ITGB3BP: variants seen among roughly 807,000 people sequenced by gnomAD.
ITGB3BP encodes the protein integrin subunit beta 3 binding protein.
Under a neutral mutation model 29.1 loss-of-function variants are expected in ITGB3BP, and 27 were observed. The observed-to-expected ratio is 0.93, with a 90% CI of 0.68 to 1.28. ITGB3BP has a LOEUF of 1.28. Ranked by LOEUF, ITGB3BP falls within the 50% of genes most tolerant of loss-of-function variation. The pLI is 0.00. For synonymous variants in ITGB3BP, 61 were observed against 61.4 expected (o/e 0.99, Z 0.03); for missense variants, 192 against 200.2 (o/e 0.96, Z 0.25).
intron 8 of ITGB3BP, among the ~76,000 whole-genome samples, chr1:63,445,512 T>C (rs12735956): frequency 0.21 from 32,523 of 152,054 alleles, 4,050 homozygotes; most frequent in African/African-American, 0.35. Context: ...CAAAGAAAAG[T>C]ATCTTGGAGG....
At chr1:63,455,692 A>C (rs1177358397) in intron 4 of ITGB3BP, among the ~76,000 whole-genome samples, 3 of 152,184 alleles carry the variant, frequency 2.0e-5, no homozygotes, top group African/African-American at 7.2e-5. Context: ...TTTAGTAAAC[A>C]TACTAAAAAT....
At chr1:63,516,098 G>C (rs549342961) in intron 1 of ITGB3BP, among the ~76,000 whole-genome samples, 2 of 151,026 alleles carry the variant, frequency 1.3e-5, no homozygotes, top group Non-Finnish European at 3.0e-5. Flanking sequence ...AATAGAGCTG[G>C]AAATCATTAT....
At chr1:63,516,250 C>T (rs1320306498) in intron 1 of ITGB3BP, among the ~76,000 whole-genome samples, 16 of 131,930 alleles carry the variant, frequency 1.2e-4, no homozygotes, top group African/African-American at 4.6e-4. Flanking sequence ...GGTGAGCAAA[C>T]TGCACCACTG....
At position 63,507,000 on chromosome 1, in the gene ITGB3BP, T is replaced by C. The variant is rs923964204; in HGVS notation, c.48+1528A>G. The stretch of plus-strand genomic sequence containing the variant: ...AGGGCTAAGTTGTTACTAGAGTAGA[T>C]GAAGTGTGTATGTAGCCATGGAGAG... On this transcript the variant is annotated intron_variant, in intron 2 of 8. Transcript: ENST00000271002. Among the ~76,000 whole-genome samples, 4 of 152,268 alleles carry C rather than the reference T, an allele frequency of 2.6e-5. No homozygotes were observed. In the East Asian group the frequency reaches 7.7e-4, roughly 29 times the overall value.
intron 1 of ITGB3BP, among the ~76,000 whole-genome samples, chr1:63,519,201 A>G (rs1239540784): frequency 6.6e-6 from 1 of 152,152 alleles, no homozygotes; most frequent in East Asian, 1.9e-4. Context: ...AATGCATTTC[A>G]CACATTTAAC....
At chr1:63,464,645 G>C (rs1645070479) in intron 4 of ITGB3BP, among the ~76,000 whole-genome samples, 1 of 152,088 alleles carries the variant, frequency 6.6e-6, no homozygotes. Flanking sequence ...GGTGAAACAT[G>C]ACAAAGTACC....
chr1:63,479,862 T>C (rs1393290786), intron 3 of ITGB3BP, among the ~76,000 whole-genome samples: 1 of 152,166 alleles, frequency 6.6e-6, no homozygotes, highest in African/African-American at 2.4e-5. Flanking sequence ...GCACTTAGGT[T>C]GATTCAGTAT....
intron 1 of ITGB3BP, among the ~76,000 whole-genome samples, chr1:63,513,057 C>T (rs184702094): frequency 6.6e-6 from 1 of 152,198 alleles, no homozygotes; most frequent in Admixed American, 6.5e-5. Context: ...GATGTTGCAT[C>T]CTTCTGAGAG....
At chr1:63,489,956 G>A (rs1407854901) in intron 3 of ITGB3BP, 127 bp downstream of exon 3, 1 of 766,258 alleles carries the variant, frequency 1.3e-6, no homozygotes, top group African/African-American at 1.8e-5. Context: ...CTATATTAAG[G>A]TATTAAATTA....
intron 3 of ITGB3BP, among the ~76,000 whole-genome samples, chr1:63,484,765 A>G (rs902143056): frequency 1.3e-5 from 2 of 152,044 alleles, no homozygotes; most frequent in African/African-American, 4.8e-5. Flanking sequence ...CAACTTGTCT[A>G]TGTCCTTCCT....
chr1:63,523,338 GC>G, upstream of ITGB3BP: 1 of 647,434 alleles, frequency 1.5e-6, no homozygotes, highest in Non-Finnish European at 2.7e-6. Flanking sequence ...GGAGTTCTAG[GC>G]CCAGGACAGC....
intron 1 of ITGB3BP, among the ~76,000 whole-genome samples, chr1:63,521,269 A>AAAC (rs1553168238): frequency 3.4e-4 from 52 of 151,368 alleles, no homozygotes; most frequent in East Asian, 1.9e-3. Flanking sequence ...TAAAAAAAAA[A>AAAC]AAAACACTTA....
At chr1:63,499,157 T>A (rs1424603269) in intron 2 of ITGB3BP, among the ~76,000 whole-genome samples, 3 of 7,652 alleles carry the variant, frequency 3.9e-4, no homozygotes, top group Middle Eastern at 0.14. Flanking sequence ...TCCACTAGCG[T>A]TTTTTTTTTT....
chr1:63,504,686 A>G (rs1202013804), intron 2 of ITGB3BP, among the ~76,000 whole-genome samples: 1 of 152,178 alleles, frequency 6.6e-6, no homozygotes, highest in Non-Finnish European at 1.5e-5. Flanking sequence ...GATACGTCCC[A>G]TCGATACCTA....
intron 2 of ITGB3BP, among the ~76,000 whole-genome samples, chr1:63,506,554 G>A (rs773848797): frequency 6.6e-6 from 1 of 152,126 alleles, no homozygotes; most frequent in Non-Finnish European, 1.5e-5. Context: ...TGAGATTTGG[G>A]TGAGGACACA....
chr1:63,518,875 G>A (rs1310658151), intron 1 of ITGB3BP, among the ~76,000 whole-genome samples: 1 of 152,020 alleles, frequency 6.6e-6, no homozygotes, highest in African/African-American at 2.4e-5. Context: ...ATGCCTCTCT[G>A]CATTTTCAGA....
chr1:63,448,292 C>T (rs1644815988), intron 7 of ITGB3BP, among the ~76,000 whole-genome samples: 1 of 149,496 alleles, frequency 6.7e-6, no homozygotes, highest in Non-Finnish European at 1.5e-5. Context: ...AACTAACCTG[C>T]ACATTGTGCA....
chr1:63,497,415 C>T (rs11801609), intron 2 of ITGB3BP, among the ~76,000 whole-genome samples: 29,760 of 152,072 alleles, frequency 0.2, 3,210 homozygotes, highest in African/African-American at 0.29. Context: ...CACTGTCCTG[C>T]ATTGTTGCAG....
intron 2 of ITGB3BP, among the ~76,000 whole-genome samples, chr1:63,493,190 T>G (rs1645701984): frequency 6.6e-6 from 1 of 151,760 alleles, no homozygotes. Context: ...GAGGCCAAGG[T>G]GGGTAAATCA....
Sources: gnomAD v4.1 joint callset for allele counts (sites outside exome capture counted in the v4.1 genomes callset) on GRCh38, gnomAD v4.1.1 for gene constraint, MANE v1.5 for transcripts, NCBI Gene and HGNC (gene_info 2026-07-23, HGNC 2026-07-21) for gene names.